The following PTPRD variants were observed in gnomAD, a reference collection of about 807,000 sequenced individuals.
The protein encoded by PTPRD is protein tyrosine phosphatase receptor type D.
In PTPRD, 34 loss-of-function variants were observed where a neutral mutation model predicts 214.5. The observed-to-expected ratio is 0.16, with a 90% CI of 0.12 to 0.21. PTPRD has a LOEUF of 0.21. Ranked by LOEUF, PTPRD falls within the 10% of genes least tolerant of loss-of-function variation. PTPRD has a pLI of 1.00. For synonymous variants in PTPRD, 1,128 were observed against 845.7 expected (o/e 1.33, Z -5.79); for missense variants, 2,545 against 2,398.7 (o/e 1.06, Z -1.27).
At chr9:9,147,540 T>G (rs1440995372) in intron 10 of PTPRD, among the ~76,000 whole-genome samples, 2 of 152,126 alleles carry the variant, frequency 1.3e-5, no homozygotes, top group African/African-American at 4.8e-5. Context: ...AAAAATAATA[T>G]GTTGTATCAT....
chr9:10,025,413 T>A (rs181220728), intron 4 of PTPRD, among the ~76,000 whole-genome samples: 98 of 152,322 alleles, frequency 6.4e-4, no homozygotes, highest in African/African-American at 2.3e-3. Flanking sequence ...AATTTTATGA[T>A]TCTTAAGCAA....
chr9:8,576,959 G>A (rs969341651), intron 14 of PTPRD, among the ~76,000 whole-genome samples: 4 of 152,080 alleles, frequency 2.6e-5, no homozygotes, highest in African/African-American at 9.7e-5. Flanking sequence ...ATCACCTGTT[G>A]TCTATTTTAA....
At chr9:9,930,058 G>T (rs1479891329) in intron 5 of PTPRD, among the ~76,000 whole-genome samples, 1 of 152,184 alleles carries the variant, frequency 6.6e-6, no homozygotes, top group Non-Finnish European at 1.5e-5. Flanking sequence ...AGCATAAGAA[G>T]TACTATGAGA....
intron 19 of PTPRD, among the ~76,000 whole-genome samples, chr9:8,522,812 G>A (rs1449609155): frequency 6.6e-6 from 1 of 151,870 alleles, no homozygotes; most frequent in Admixed American, 6.6e-5. Context: ...TAATCTTTAG[G>A]GAGCACACCT....
At position 10,429,559 on chromosome 9, in the gene PTPRD, G is replaced by A. The variant is rs144571418; in HGVS notation, c.-599-88542C>T. On this transcript the variant is annotated intron_variant, in intron 2 of 45. Transcript: ENST00000381196. ...ATGGAACTGGAGGCCATTATCTTAA[G>A]TGAAACAAGCCAGGCCCAGAAAGAA... 8.8e-3 allele frequency among the ~76,000 whole-genome samples: 1,342 copies of A among 151,956 alleles called. 7 individuals carry two copies. The highest frequency in any genetic ancestry group is 0.013 in the Non-Finnish European group (893 of 67,902).
chr9:8,333,854 C>T (rs758734355), intron 43 of PTPRD, among the ~76,000 whole-genome samples: 15 of 147,742 alleles, frequency 1.0e-4, no homozygotes, highest in Admixed American at 3.4e-4. Flanking sequence ...AAATGGAAGG[C>T]AAAAAAAAAG....
intron 11 of PTPRD, among the ~76,000 whole-genome samples, chr9:8,852,208 G>T (rs1286878464): frequency 6.6e-6 from 1 of 152,042 alleles, no homozygotes; most frequent in Non-Finnish European, 1.5e-5. Context: ...AATTTAGTTA[G>T]CTACTGCTAC....
chr9:8,502,974 T>C (rs2097445752), intron 23 of PTPRD, among the ~76,000 whole-genome samples: 1 of 151,948 alleles, frequency 6.6e-6, no homozygotes, highest in South Asian at 2.1e-4. Context: ...AATTATCTTC[T>C]ACAATACTAT....
chr9:10,519,108 G>C (rs2051217203), intron 2 of PTPRD, among the ~76,000 whole-genome samples: 1 of 151,574 alleles, frequency 6.6e-6, no homozygotes, highest in South Asian at 2.1e-4. Flanking sequence ...ACTTGAAAGG[G>C]ATTTCATATG....
At chr9:10,129,996 A>G (rs1209488694) in intron 3 of PTPRD, among the ~76,000 whole-genome samples, 1 of 151,992 alleles carries the variant, frequency 6.6e-6, no homozygotes, top group Non-Finnish European at 1.5e-5. Flanking sequence ...CTTGCAAATA[A>G]TATTGCTGAA....
intron 9 of PTPRD, among the ~76,000 whole-genome samples, chr9:9,366,353 G>T (rs1460931439): frequency 2.6e-5 from 4 of 151,492 alleles, no homozygotes; most frequent in African/African-American, 4.8e-5. Flanking sequence ...TAAATAAACA[G>T]CACTGACCTA....
At chr9:9,014,008 T>G (rs2099522791) in intron 11 of PTPRD, among the ~76,000 whole-genome samples, 1 of 148,178 alleles carries the variant, frequency 6.7e-6, no homozygotes, top group South Asian at 2.2e-4. Flanking sequence ...CTGCTGCATT[T>G]TTGTCTACTT....
At chr9:9,552,242 A>G (rs972383934) in intron 8 of PTPRD, among the ~76,000 whole-genome samples, 1 of 152,078 alleles carries the variant, frequency 6.6e-6, no homozygotes, top group African/African-American at 2.4e-5. Flanking sequence ...TCTCTTAACA[A>G]AACAGAAGGA....
chr9:10,606,859 T>C (rs2079544952), intron 2 of PTPRD, among the ~76,000 whole-genome samples: 1 of 151,980 alleles, frequency 6.6e-6, no homozygotes, highest in African/African-American at 2.4e-5. Flanking sequence ...GTAAAATCTA[T>C]AATTCACAGA....
At chr9:9,050,604 T>C (rs2099683031) in intron 10 of PTPRD, among the ~76,000 whole-genome samples, 1 of 152,160 alleles carries the variant, frequency 6.6e-6, no homozygotes, top group African/African-American at 2.4e-5. Flanking sequence ...ACATTTTAAA[T>C]TGCATCACTC....
At chr9:8,838,620 T>C (rs1387592224) in intron 11 of PTPRD, among the ~76,000 whole-genome samples, 2 of 152,170 alleles carry the variant, frequency 1.3e-5, no homozygotes, top group Admixed American at 1.3e-4. Context: ...TGACAGATTT[T>C]TTTTTTACAT....
intron 5 of PTPRD, among the ~76,000 whole-genome samples, chr9:9,770,530 T>C (rs1238608161): frequency 6.6e-6 from 1 of 151,512 alleles, no homozygotes; most frequent in East Asian, 1.9e-4. Flanking sequence ...CACAGTATTA[T>C]TTTTTGTCAC....
intron 36 of PTPRD, among the ~76,000 whole-genome samples, chr9:8,390,640 G>A (rs1056354381): frequency 7.2e-5 from 11 of 152,134 alleles, no homozygotes; most frequent in Non-Finnish European, 1.5e-4. Flanking sequence ...GTTCCAACAT[G>A]TAATCAGTAG....
At chr9:10,606,167 G>A (rs2079275338) in intron 2 of PTPRD, among the ~76,000 whole-genome samples, 1 of 151,820 alleles carries the variant, frequency 6.6e-6, no homozygotes. Context: ...AAACGGAAAA[G>A]TGACAAGATA....
Sources: allele counts gnomAD v4.1 joint callset (sites outside exome capture counted in the v4.1 genomes callset), GRCh38; gene constraint gnomAD v4.1.1; transcripts MANE v1.5; gene names NCBI Gene and HGNC (gene_info 2026-07-23, HGNC 2026-07-21).